The following PCLO variants were observed in gnomAD, a reference collection of about 807,000 sequenced individuals.
PCLO encodes the protein protein piccolo.
PCLO carries 82 observed loss-of-function variants against 427.5 expected under a neutral mutation model. The ratio of observed to expected loss-of-function variants is 0.19; its 90% CI spans 0.16 to 0.23. The LOEUF is 0.23. PCLO is among the 10% of genes least tolerant of loss of function. The pLI is 1.00. For missense variants in PCLO, 6,239 were observed against 6,115.9 expected (o/e 1.02, Z -0.67); for synonymous variants, 2,357 against 2,155.4 (o/e 1.09, Z -2.59).
chr7:82,897,274 C>T (rs1430202507), intron 9 of PCLO, among the ~76,000 whole-genome samples: 1 of 151,498 alleles, frequency 6.6e-6, no homozygotes, highest in Non-Finnish European at 1.5e-5. Context: ...CTATTCTTTC[C>T]ACTCTGTTGC....
intron 22 of PCLO, among the ~76,000 whole-genome samples, chr7:82,774,232 A>C (rs1790703273): frequency 6.6e-6 from 1 of 152,126 alleles, no homozygotes; most frequent in East Asian, 1.9e-4. Flanking sequence ...AAGAGCCACT[A>C]TTGCATATGA....
At chr7:82,807,686 A>T (rs1442848182) in intron 20 of PCLO, among the ~76,000 whole-genome samples, 2 of 152,048 alleles carry the variant, frequency 1.3e-5, no homozygotes, top group African/African-American at 4.8e-5. Flanking sequence ...TGGTAGTAGG[A>T]TCCCTTCCCG....
rs143592161 is a variant in PCLO at position 82,816,486 on chromosome 7, C to CTCCCT, written c.14791+6004_14791+6008dup. On this transcript the variant is annotated intron_variant, in intron 20 of 24. Transcript: ENST00000333891. ...GCCTGTCTTACTTCCACAGGTCCTG[C>CTCCCT]TCCCTGGTGGTAATTTGATGAACTA... Among the ~76,000 whole-genome samples the CTCCCT allele has an allele frequency of 3.1e-3, 467 of 152,168 alleles. 3 individuals carry two copies. Among genetic ancestry groups the CTCCCT allele is most frequent in the African/African-American group, 0.011 (455 of 41,528 alleles).
intron 3 of PCLO, among the ~76,000 whole-genome samples, chr7:83,090,407 C>A (rs1336648319): frequency 6.6e-6 from 1 of 152,118 alleles, no homozygotes; most frequent in African/African-American, 2.4e-5. Context: ...AATAATTGAT[C>A]AATTAGGAAG....
At chr7:83,026,376 A>G (rs1182145305) in intron 3 of PCLO, among the ~76,000 whole-genome samples, 1 of 152,096 alleles carries the variant, frequency 6.6e-6, no homozygotes, top group Non-Finnish European at 1.5e-5. Context: ...ACATAATGGT[A>G]AAGGGATCAA....
intron 3 of PCLO, among the ~76,000 whole-genome samples, chr7:83,080,921 A>G (rs1790082646): frequency 6.6e-6 from 1 of 151,716 alleles, no homozygotes; most frequent in Non-Finnish European, 1.5e-5. Flanking sequence ...AGCAACAATA[A>G]CTAATAATAA....
At chr7:82,795,271 T>C (rs1313281417) in intron 22 of PCLO, among the ~76,000 whole-genome samples, 1 of 152,158 alleles carries the variant, frequency 6.6e-6, no homozygotes, top group Non-Finnish European at 1.5e-5. Context: ...TAAAACCATA[T>C]ATGGACTGGT....
At chr7:83,029,883 TTCTC>T (rs1360062564) in intron 3 of PCLO, among the ~76,000 whole-genome samples, 1 of 146,730 alleles carries the variant, frequency 6.8e-6, no homozygotes, top group Non-Finnish European at 1.5e-5. Context: ...ACACCGCATA[TTCTC>T]TCTCATAGGT....
chr7:82,839,625 A>G (rs1657803733), intron 14 of PCLO, among the ~76,000 whole-genome samples: 1 of 152,076 alleles, frequency 6.6e-6, no homozygotes, highest in South Asian at 2.1e-4. Context: ...ACACTTCCCC[A>G]TTCTCTCCTT....
intron 3 of PCLO, among the ~76,000 whole-genome samples, chr7:83,038,031 T>TATATATATATATATATATATATATATA: frequency 5.8e-5 from 1 of 17,264 alleles, no homozygotes; most frequent in Middle Eastern, 0.025. Flanking sequence ...ATATATATAT[T>TATATATATATATATATATATATATATA]TATATATTTA....
At chr7:83,113,901 T>G (rs1189922392) in intron 3 of PCLO, among the ~76,000 whole-genome samples, 1 of 152,096 alleles carries the variant, frequency 6.6e-6, no homozygotes, top group Non-Finnish European at 1.5e-5. Context: ...GTCAAATAAT[T>G]TAAAAATATA....
intron 22 of PCLO, among the ~76,000 whole-genome samples, chr7:82,799,344 T>C (rs1167172080): frequency 6.6e-6 from 1 of 152,206 alleles, no homozygotes. Flanking sequence ...GCGCTATCTC[T>C]GGTTTGAGAG....
intron 22 of PCLO, among the ~76,000 whole-genome samples, chr7:82,764,207 G>GA (rs1790486259): frequency 6.6e-6 from 1 of 151,882 alleles, no homozygotes; most frequent in African/African-American, 2.4e-5. Flanking sequence ...ATAGGTAATA[G>GA]GTAACAAAGG....
intron 3 of PCLO, among the ~76,000 whole-genome samples, chr7:83,065,144 G>C (rs2116329582): frequency 6.6e-6 from 1 of 151,748 alleles, no homozygotes; most frequent in African/African-American, 2.4e-5. Context: ...ACTTCATCAA[G>C]TGTTTAAAAA....
intron 20 of PCLO, among the ~76,000 whole-genome samples, chr7:82,810,394 C>A (rs1036648373): frequency 4.0e-4 from 61 of 151,358 alleles, no homozygotes; most frequent in African/African-American, 1.4e-3. Context: ...ATCTTTGGGG[C>A]CATTTTTTAT....
chr7:82,996,572 C>A (rs1191068441), intron 3 of PCLO, among the ~76,000 whole-genome samples: 3 of 152,090 alleles, frequency 2.0e-5, no homozygotes, highest in African/African-American at 7.2e-5. Context: ...TATTGCTCCT[C>A]CTTCCTTATG....
chr7:83,053,334 A>G (rs71557161), intron 3 of PCLO, among the ~76,000 whole-genome samples: 1 of 152,008 alleles, frequency 6.6e-6, no homozygotes, highest in African/African-American at 2.4e-5. Context: ...ACACTGAAAA[A>G]GTTTGTTTTC....
At chr7:83,051,191 C>G (rs916761387) in intron 3 of PCLO, among the ~76,000 whole-genome samples, 2 of 151,946 alleles carry the variant, frequency 1.3e-5, no homozygotes, top group Non-Finnish European at 2.9e-5. Context: ...ACCTATTCAA[C>G]AGTGTACTAA....
chr7:82,781,474 A>T (rs892655098), intron 22 of PCLO, among the ~76,000 whole-genome samples: 2 of 108,820 alleles, frequency 1.8e-5, no homozygotes. Flanking sequence ...ACAGGCCCTG[A>T]TGTGTGTTGT....
Sources: allele counts gnomAD v4.1 joint callset (sites outside exome capture counted in the v4.1 genomes callset), GRCh38; gene constraint gnomAD v4.1.1; transcripts MANE v1.5; gene names NCBI Gene and HGNC (gene_info 2026-07-23, HGNC 2026-07-21).